FHIT: variants seen among roughly 807,000 people sequenced by gnomAD.
The protein encoded by FHIT is bis(5'-adenosyl)-triphosphatase.
Under a neutral mutation model 17.9 loss-of-function variants are expected in FHIT, and 19 were observed. The ratio of observed to expected loss-of-function variants is 1.06; its 90% CI spans 0.74 to 1.56. The LOEUF (loss-of-function observed/expected upper bound fraction) is 1.56, where lower values mean the gene tolerates loss of function less well. Ranked by LOEUF, FHIT falls within the 40% of genes most tolerant of loss-of-function variation. The pLI is 0.00. For missense variants in FHIT, 248 were observed against 189.2 expected (o/e 1.31, Z -1.82); for synonymous variants, 81 against 69.7 (o/e 1.16, Z -0.81).
chr3:60,662,411 A>G (rs1398493600), intron 4 of FHIT, among the ~76,000 whole-genome samples: 3 of 152,122 alleles, frequency 2.0e-5, no homozygotes, highest in African/African-American at 7.2e-5. Flanking sequence ...GCCTATGTTT[A>G]TACCAGTACC....
At chr3:60,642,185 C>T (rs889950531) in intron 4 of FHIT, among the ~76,000 whole-genome samples, 10 of 152,096 alleles carry the variant, frequency 6.6e-5, no homozygotes, top group African/African-American at 1.2e-4. Flanking sequence ...ACATGGAAGC[C>T]CAGGTGACAC....
chr3:61,165,186 C>T (rs3007501), intron 2 of FHIT, among the ~76,000 whole-genome samples: 1 of 152,142 alleles, frequency 6.6e-6, no homozygotes, highest in East Asian at 1.9e-4. Context: ...GAATAGTAGT[C>T]CTGTTTTAAG....
chr3:59,797,296 C>T (rs938890936), intron 8 of FHIT, among the ~76,000 whole-genome samples: 8 of 151,810 alleles, frequency 5.3e-5, no homozygotes, highest in Non-Finnish European at 7.4e-5. Context: ...AAGCAATTCT[C>T]ATGCCTCAGC....
intron 5 of FHIT, among the ~76,000 whole-genome samples, chr3:60,415,890 A>G (rs1283295078): frequency 8.5e-6 from 1 of 117,682 alleles, no homozygotes; most frequent in Non-Finnish European, 1.8e-5. Context: ...ATATATTATT[A>G]TTACATACAA....
chr3:59,817,599 A>AAAAAAG (rs1188746350), intron 8 of FHIT, among the ~76,000 whole-genome samples: 1 of 151,710 alleles, frequency 6.6e-6, no homozygotes, highest in African/African-American at 2.4e-5. Context: ...GAAAGAAAAG[A>AAAAAAG]AAAAAGAAAA....
At chr3:60,347,574 T>G (rs1197254663) in intron 5 of FHIT, among the ~76,000 whole-genome samples, 2 of 149,550 alleles carry the variant, frequency 1.3e-5, no homozygotes, top group African/African-American at 4.9e-5. Context: ...TACAGGAAAA[T>G]GTGTCTTAAG....
At chr3:61,210,784 C>G (rs538864652) in intron 1 of FHIT, among the ~76,000 whole-genome samples, 1 of 151,880 alleles carries the variant, frequency 6.6e-6, no homozygotes, top group African/African-American at 2.4e-5. Context: ...CCTGCTTCGG[C>G]TCACACACAG....
intron 4 of FHIT, among the ~76,000 whole-genome samples, chr3:60,582,097 G>T (rs782480782): frequency 6.6e-6 from 1 of 152,044 alleles, no homozygotes. Context: ...CTGCACTTTG[G>T]AATCAAGTGT....
At chr3:59,962,004 C>A (rs937314241) in intron 7 of FHIT, among the ~76,000 whole-genome samples, 2 of 152,268 alleles carry the variant, frequency 1.3e-5, no homozygotes, top group Admixed American at 1.3e-4. Context: ...TAAATCAATG[C>A]AGCCTCTCAA....
intron 3 of FHIT, among the ~76,000 whole-genome samples, chr3:60,887,125 A>G (rs112177658): frequency 0.025 from 3,849 of 152,282 alleles, 159 homozygotes; most frequent in African/African-American, 0.087. Flanking sequence ...TCCTTTTGCA[A>G]CTAATGGCAG....
intron 3 of FHIT, among the ~76,000 whole-genome samples, chr3:60,931,405 G>A (rs528682063): frequency 6.6e-5 from 10 of 152,076 alleles, no homozygotes; most frequent in East Asian, 5.8e-4. Context: ...ACATATTTAC[G>A]TATTCATGTA....
chr3:60,353,583 T>C lies in FHIT; in HGVS notation c.103+183277A>G, dbSNP rs557879534. 3.3e-5 allele frequency among the ~76,000 whole-genome samples: 5 copies of C among 152,286 alleles called. 1 individual carries two copies. In the East Asian group the frequency reaches 5.8e-4, roughly 18 times the overall value. The stretch of plus-strand genomic sequence containing the variant: ...AATTAAGCATGAATACTGCTTGGCA[T>C]AGTAGCCTTAATCAAACAAAAAAGT... On this transcript the variant is annotated intron_variant, in intron 5 of 9. Transcript: ENST00000492590.
intron 2 of FHIT, among the ~76,000 whole-genome samples, chr3:61,119,545 G>A (rs188159056): frequency 2.0e-5 from 3 of 152,272 alleles, no homozygotes; most frequent in Admixed American, 2.0e-4. Context: ...CAACTTGACT[G>A]AGCTAAGAGA....
chr3:60,058,504 T>A (rs1478180163), intron 5 of FHIT, among the ~76,000 whole-genome samples: 1 of 152,228 alleles, frequency 6.6e-6, no homozygotes, highest in Non-Finnish European at 1.5e-5. Flanking sequence ...ATTGTGAATG[T>A]ACTCAGTACC....
At chr3:60,317,611 T>TTA (rs1031177842) in intron 5 of FHIT, among the ~76,000 whole-genome samples, 3 of 139,862 alleles carry the variant, frequency 2.1e-5, no homozygotes, top group South Asian at 2.3e-4. Context: ...TAATATGTAA[T>TTA]TATATATGTG....
chr3:60,420,341 T>A (rs905456093), intron 5 of FHIT, among the ~76,000 whole-genome samples: 5 of 152,150 alleles, frequency 3.3e-5, no homozygotes, highest in Admixed American at 2.6e-4. Context: ...TAGTCTCAAG[T>A]GATCAAAATT....
At chr3:59,980,308 G>C (rs1420411626) in intron 7 of FHIT, among the ~76,000 whole-genome samples, 1 of 152,086 alleles carries the variant, frequency 6.6e-6, no homozygotes, top group Non-Finnish European at 1.5e-5. Flanking sequence ...TGGACAACAA[G>C]GATTCCTTGA....
chr3:60,142,435 ATTTTAT>A (rs1700076814), intron 5 of FHIT, among the ~76,000 whole-genome samples: 5 of 152,164 alleles, frequency 3.3e-5, no homozygotes. Context: ...GTTGCTTAAA[ATTTTAT>A]TTATATATTT....
At chr3:61,193,542 A>T (rs913306542) in intron 2 of FHIT, among the ~76,000 whole-genome samples, 1 of 152,224 alleles carries the variant, frequency 6.6e-6, no homozygotes, top group Admixed American at 6.5e-5. Context: ...GCATTTTTGC[A>T]TCAATGACCT....
Sources: gnomAD v4.1 joint callset for allele counts (sites outside exome capture counted in the v4.1 genomes callset) on GRCh38, gnomAD v4.1.1 for gene constraint, MANE v1.5 for transcripts, NCBI Gene and HGNC (gene_info 2026-07-23, HGNC 2026-07-21) for gene names.